Variants in HOXD3 observed in about 807,000 individuals in gnomAD.
HOXD3 encodes homeobox D3.
A neutral mutation model predicts 32.8 loss-of-function variants in HOXD3; 13 were observed. The observed-to-expected ratio is 0.40, with a 90% CI of 0.26 to 0.63. The LOEUF (loss-of-function observed/expected upper bound fraction) is 0.63, where lower values mean the gene tolerates loss of function less well. HOXD3 is among the 20% of genes least tolerant of loss of function. The pLI is 0.44. For missense variants in HOXD3, 504 were observed against 577.1 expected (o/e 0.87, Z 1.30); for synonymous variants, 241 against 246.8 (o/e 0.98, Z 0.22).
intron 2 of HOXD3, 113 bp from the exon 3 acceptor site, chr2:176,168,918 C>T (rs896669151): frequency 1.5e-6 from 1 of 686,360 alleles, no homozygotes; most frequent in Admixed American, 3.5e-5. Flanking sequence ...AGCACCTTGC[C>T]CATCTCCCCG....
At chr2:176,167,674 T>TG (rs906184690) in intron 2 of HOXD3, among the ~76,000 whole-genome samples, 4 of 138,980 alleles carry the variant, frequency 2.9e-5, no homozygotes, top group Non-Finnish European at 4.7e-5. Context: ...TGAAACCAGG[T>TG]GGGGGGAGAC....
At chr2:176,154,947 C>A (rs1051563826), upstream of HOXD3, among the ~76,000 whole-genome samples, 1 of 152,146 alleles carries the variant, frequency 6.6e-6, no homozygotes, top group Non-Finnish European at 1.5e-5. Flanking sequence ...GGTATTTTAC[C>A]GAAGTTCGGG....
rs1240350438 is a variant in HOXD3 at position 176,172,666 on chromosome 2, A to G, written c.*392A>G. ...AGCTTAGTTTCAGAGACCTTAATTTATATTCTCCTTCCTGTGCCGTAAGGA... is the reference window on the plus strand; with the variant it reads ...AGCTTAGTTTCAGAGACCTTAATTTGTATTCTCCTTCCTGTGCCGTAAGGA... On this transcript the variant is annotated 3_prime_UTR_variant, in exon 4 of 4. Coordinates refer to ENST00000683222, the MANE Select transcript of HOXD3 (RefSeq NM_006898.5). 4.6e-6 allele frequency: 1 copy of G among 218,598 alleles called. No homozygotes were observed. The highest frequency in any genetic ancestry group is 5.1e-5 in the Admixed American group (1 of 19,590). 13.5% of individuals were successfully genotyped at this position (218,598 alleles called of 1,614,324 possible).
At chr2:176,163,795 C>A (rs1041838072) in intron 1 of HOXD3, among the ~76,000 whole-genome samples, 1 of 152,286 alleles carries the variant, frequency 6.6e-6, no homozygotes, top group Admixed American at 6.5e-5. Flanking sequence ...GGCTTCCCTG[C>A]ACCTCTGACC....
chr2:176,157,787 C>T (rs1306288432), intron 1 of HOXD3, among the ~76,000 whole-genome samples: 1 of 152,134 alleles, frequency 6.6e-6, no homozygotes, highest in African/African-American at 2.4e-5. Context: ...GCGAGGTGCA[C>T]GCGGGCTGCT....
rs1416701854 is a variant in HOXD3, at chr2:176,173,010, C to G, written c.*736C>G. 6.6e-6 allele frequency: 1 copy of G among 152,632 alleles called. No individual in the cohort carries two copies. Among genetic ancestry groups the G allele is most frequent in the African/African-American group, 2.4e-5 (1 of 41,440 alleles). 9.5% of individuals were successfully genotyped at this position (152,632 alleles called of 1,614,324 possible). Reference sequence around the variant, plus strand: ...GGCACAACACACTTTGGTCATTTCTCAAAAACCACAGTCCTCACCACAGTT... The same window carrying G: ...GGCACAACACACTTTGGTCATTTCTGAAAAACCACAGTCCTCACCACAGTT... On this transcript the variant is annotated 3_prime_UTR_variant, in exon 4 of 4. Transcript: ENST00000683222.
chr2:176,170,554 T>C (rs1442276752), intron 3 of HOXD3, among the ~76,000 whole-genome samples: 2 of 152,230 alleles, frequency 1.3e-5, no homozygotes, highest in African/African-American at 2.4e-5. Context: ...ATGTGGTTTA[T>C]CTTCAGGTAG....
chr2:176,164,931 G>T (rs1690916440), intron 2 of HOXD3: 1 of 152,234 alleles, frequency 6.6e-6, no homozygotes, highest in South Asian at 2.1e-4. Context: ...GCCTCCCGGC[G>T]TCCGAGGCCA....
Position 176,165,998 on chromosome 2 carries a change from G to GT in HOXD3, c.-85+1834dup, listed in dbSNP as rs201897710. Among the ~76,000 whole-genome samples, 447 of 152,246 alleles carry GT rather than the reference G, an allele frequency of 2.9e-3. 5 individuals carry two copies. Among genetic ancestry groups the GT allele is most frequent in the Non-Finnish European group, 5.4e-3 (366 of 68,012 alleles). ...TTTTGTAACTATATTCTCAGGTTTT[G>GT]TTTTAAGAGGGATCACTTTTGGGAA... On this transcript the variant is annotated intron_variant, in intron 2 of 3. Coordinates refer to ENST00000683222, the MANE Select transcript of HOXD3 (RefSeq NM_006898.5).
At chr2:176,157,645 A>AGTGTGTGT (rs141052563) in intron 1 of HOXD3, among the ~76,000 whole-genome samples, 193 bp downstream of exon 1, 1 of 150,474 alleles carries the variant, frequency 6.6e-6, no homozygotes, top group Admixed American at 6.6e-5. Context: ...AGAGCGGCCG[A>AGTGTGTGT]GTGTGTGTGT....
chr2:176,152,642 GT>G, upstream of HOXD3: 1 of 1,614,108 alleles, frequency 6.2e-7, no homozygotes, highest in Non-Finnish European at 8.5e-7. The surrounding 1 kb of genome is among the most constrained non-coding windows in gnomAD (Gnocchi z 5.2). Flanking sequence ...AACCCAAGCG[GT>G]CCCGAACGGC....
In HOXD3 at chr2:176,171,883, C is replaced by T; in HGVS notation, c.908C>T (p.Ala303Val). Residue 303 changes from alanine (A) to valine (V), a missense_variant, in exon 4 of 4, where the codon GCC becomes GTC. Coordinates refer to ENST00000683222, the MANE Select transcript of HOXD3 (RefSeq NM_006898.5). ...GACGCGCCCTCGCCGCCTGCTTTCG[C>T]CAAATCACAGCCCAATATGTACGGC... ...AYDAPSPPAF[A>V]KSQPNMYGLA... 3 of 1,604,128 alleles carry T rather than the reference C, an allele frequency of 1.9e-6. No homozygotes were observed. Among genetic ancestry groups the T allele is most frequent in the Non-Finnish European group, 2.6e-6 (3 of 1,175,826 alleles).
At chr2:176,156,323 A>G (rs992932099), upstream of HOXD3, among the ~76,000 whole-genome samples, 6 of 152,150 alleles carry the variant, frequency 3.9e-5, no homozygotes, top group African/African-American at 1.4e-4. Flanking sequence ...GGTTGAATTC[A>G]GGGTACAGAG....
At chr2:176,170,102 A>G (rs1383105073) in intron 3 of HOXD3, among the ~76,000 whole-genome samples, 1 of 152,202 alleles carries the variant, frequency 6.6e-6, no homozygotes, top group African/African-American at 2.4e-5. Flanking sequence ...CTTTCTAAGC[A>G]TTATCTAATT....
At chr2:176,158,277 C>G (rs1476558253) in intron 1 of HOXD3, among the ~76,000 whole-genome samples, 6 of 152,194 alleles carry the variant, frequency 3.9e-5, no homozygotes, top group African/African-American at 1.4e-4. Flanking sequence ...GGGGAGAGGC[C>G]AGTGCGGGCT....
intron 2 of HOXD3, among the ~76,000 whole-genome samples, chr2:176,166,330 C>G (rs1171952414): frequency 2.6e-5 from 4 of 152,184 alleles, no homozygotes; most frequent in African/African-American, 9.7e-5. Flanking sequence ...ACTGGTTCAC[C>G]TATCTAGATC....
At chr2:176,162,033 TA>T (rs1690824937) in intron 1 of HOXD3, among the ~76,000 whole-genome samples, 1 of 152,188 alleles carries the variant, frequency 6.6e-6, no homozygotes, top group Non-Finnish European at 1.5e-5. Flanking sequence ...ACCGGACCTT[TA>T]TGGGGAAAGA....
upstream of HOXD3, among the ~76,000 whole-genome samples, chr2:176,153,821 G>A (rs1690592676): frequency 6.6e-6 from 1 of 152,134 alleles, no homozygotes; most frequent in Non-Finnish European, 1.5e-5. Flanking sequence ...AGTTCTGGGT[G>A]ATTAAAGGAA....
chr2:176,169,180 C>T lies in HOXD3; in HGVS notation c.66C>T (p.Tyr22=). The T allele has an allele frequency of 6.2e-7, 1 of 1,614,148 alleles. No homozygotes were observed. Among genetic ancestry groups the T allele is most frequent in the Non-Finnish European group, 8.5e-7 (1 of 1,180,016 alleles). ...LPECTMQKAA[Y]YENPGLFGGY... is the part of the protein sequence containing the mutation. The stretch of plus-strand genomic sequence containing the variant: ...AGTGCACAATGCAGAAGGCTGCTTA[C>T]TATGAAAACCCAGGACTGTTTGGAG... The change falls in exon 3 of 4, where the codon TAC becomes TAT. Residue 22 remains tyrosine, a synonymous_variant. Coordinates refer to ENST00000683222, the MANE Select transcript of HOXD3 (RefSeq NM_006898.5).
Sources: allele counts gnomAD v4.1 joint callset (sites outside exome capture counted in the v4.1 genomes callset), GRCh38; gene constraint gnomAD v4.1.1; non-coding constraint Gnocchi (gnomAD v3.1); transcripts MANE v1.5; gene names NCBI Gene and HGNC (gene_info 2026-07-23, HGNC 2026-07-21).